TPTE: variants seen among roughly 807,000 people sequenced by gnomAD.
TPTE encodes the protein transmembrane phosphatase with tensin homology.
TPTE carries 59 observed loss-of-function variants against 84.1 expected under a neutral mutation model. The observed-to-expected ratio is 0.70, with a 90% confidence interval of 0.57 to 0.87. The LOEUF (loss-of-function observed/expected upper bound fraction) is 0.87, where lower values mean the gene tolerates loss of function less well. TPTE is among the 40% of genes least tolerant of loss of function. TPTE has a pLI of 0.00. For synonymous variants in TPTE, 130 were observed against 223.5 expected, an observed-to-expected ratio of 0.58 and a Z score of 3.73; for missense variants, 382 against 659.6, an observed-to-expected ratio of 0.58 and a Z score of 4.61.
chr21:10,551,141 A>G (rs1169829113), intron 7 of TPTE, among the ~76,000 whole-genome samples: 1 of 152,308 alleles, frequency 6.6e-6, no homozygotes, highest in Non-Finnish European at 1.5e-5. Context: ...CCGTGTCCCT[A>G]CAAAGGACAT....
intron 1 of TPTE, among the ~76,000 whole-genome samples, chr21:10,522,491 C>T (rs1273757189): frequency 1.6e-4 from 25 of 152,412 alleles, no homozygotes; most frequent in African/African-American, 5.5e-4. Context: ...CCCAGCGATG[C>T]CCCGGGAAGG....
chr21:10,546,987 A>G (rs1041004888), intron 7 of TPTE, among the ~76,000 whole-genome samples: 4 of 152,304 alleles, frequency 2.6e-5, no homozygotes, highest in African/African-American at 9.6e-5. Context: ...TAGACAAGAT[A>G]GCCTTTTATT....
Position 10,578,615 on chromosome 21 carries a change from T to C in TPTE, c.1027+10T>C, listed in dbSNP as rs375484010. On this transcript the variant is annotated intron_variant, in intron 17 of 23. Coordinates refer to ENST00000618007, the MANE Select transcript of TPTE (RefSeq NM_199261.4). ...TGTAAAGGAGGCACAGGTAATAACA[T>C]TTTCCTTTTTATTTCTCCATTTCTA... The C allele has an allele frequency of 1.3e-5, 21 of 1,611,786 alleles. No individual in the cohort carries two copies. The Admixed American group carries it at 2.2e-4, about 17-fold the overall frequency.
At chr21:10,571,832 T>C (rs1447195186) in intron 14 of TPTE, among the ~76,000 whole-genome samples, 1 of 152,214 alleles carries the variant, frequency 6.6e-6, no homozygotes, top group African/African-American at 2.4e-5. Context: ...CACGGCGAAA[T>C]CCTGTCTCTA....
At chr21:10,548,860 C>T (rs1208688714) in intron 7 of TPTE, among the ~76,000 whole-genome samples, 1 of 152,308 alleles carries the variant, frequency 6.6e-6, no homozygotes, top group Non-Finnish European at 1.5e-5. Flanking sequence ...CATCCTGGGC[C>T]TGAGAAACTG....
At chr21:10,568,354 C>A (rs1477875566) in intron 11 of TPTE, among the ~76,000 whole-genome samples, 5 of 152,288 alleles carry the variant, frequency 3.3e-5, no homozygotes, top group Non-Finnish European at 5.9e-5. Flanking sequence ...TAGGAGATGA[C>A]ACGTGGCAAC....
At chr21:10,543,502 T>C in intron 7 of TPTE, 120 bp downstream of exon 7, 2 of 1,569,602 alleles carry the variant, frequency 1.3e-6, no homozygotes, top group Non-Finnish European at 1.7e-6. Context: ...TGTCAACACA[T>C]TTACACAAAC....
intron 1 of TPTE, among the ~76,000 whole-genome samples, 170 bp downstream of exon 1, chr21:10,521,864 G>A (rs1202775542): frequency 6.6e-6 from 1 of 152,260 alleles, no homozygotes; most frequent in Non-Finnish European, 1.5e-5. Context: ...CGCGGAATCC[G>A]GGAGGTGTCC....
intron 3 of TPTE, among the ~76,000 whole-genome samples, chr21:10,536,103 C>A (rs1325006361): frequency 1.3e-5 from 2 of 152,304 alleles, no homozygotes; most frequent in African/African-American, 2.4e-5. Flanking sequence ...CATGGCAAAA[C>A]CCTGTCTCTA....
At chr21:10,595,852 A>G (rs1440315981) in intron 19 of TPTE, 130 bp from the exon 20 acceptor site, 6 of 1,234,732 alleles carry the variant, frequency 4.9e-6, no homozygotes, top group African/African-American at 1.5e-5. Flanking sequence ...ATCTAGTTAT[A>G]TTATGGCATC....
At chr21:10,528,460 T>A (rs1189951321) in intron 3 of TPTE, among the ~76,000 whole-genome samples, 1 of 152,310 alleles carries the variant, frequency 6.6e-6, no homozygotes, top group African/African-American at 2.4e-5. Flanking sequence ...AAGTCATATT[T>A]ACCATATCTT....
chr21:10,542,790 TG>T (rs1483944860), intron 6 of TPTE, among the ~76,000 whole-genome samples: 4 of 152,308 alleles, frequency 2.6e-5, no homozygotes, highest in Non-Finnish European at 5.9e-5. Flanking sequence ...TTGTAGCATT[TG>T]TTAGTAACTT....
chr21:10,570,708 T>A, intron 14 of TPTE, among the ~76,000 whole-genome samples, 159 bp downstream of exon 14: 1 of 152,426 alleles, frequency 6.6e-6, no homozygotes, highest in African/African-American at 2.4e-5. Flanking sequence ...GTTGTGCCAG[T>A]GGTTACAAAC....
intron 21 of TPTE, among the ~76,000 whole-genome samples, chr21:10,598,348 C>T (rs1600984867): frequency 6.6e-6 from 1 of 152,312 alleles, no homozygotes; most frequent in Non-Finnish European, 1.5e-5. Context: ...TTCACACTTC[C>T]ACAAACACTG....
intron 3 of TPTE, among the ~76,000 whole-genome samples, chr21:10,535,849 C>G: frequency 6.6e-6 from 1 of 152,420 alleles, no homozygotes; most frequent in East Asian, 1.9e-4. Context: ...AGGCCTACAG[C>G]TACATGGTCA....
chr21:10,566,258 A>G (rs1373526912), intron 10 of TPTE, among the ~76,000 whole-genome samples: 1 of 152,312 alleles, frequency 6.6e-6, no homozygotes, highest in Non-Finnish European at 1.5e-5. Context: ...GAGATGCTTG[A>G]CATGATTGAT....
chr21:10,553,807 T>G (rs1449787430), intron 8 of TPTE, among the ~76,000 whole-genome samples: 1 of 152,312 alleles, frequency 6.6e-6, no homozygotes, highest in Non-Finnish European at 1.5e-5. Context: ...CCTCTTTAAC[T>G]TTCAGATTAT....
At chr21:10,588,964 C>A (rs1015188759) in intron 17 of TPTE, among the ~76,000 whole-genome samples, 2 of 152,426 alleles carry the variant, frequency 1.3e-5, no homozygotes, top group South Asian at 4.1e-4. Flanking sequence ...AGCTTCCTTG[C>A]AACCCAAGCT....
At chr21:10,523,614 A>C (rs1247237718) in intron 1 of TPTE, among the ~76,000 whole-genome samples, 8 of 152,300 alleles carry the variant, frequency 5.3e-5, no homozygotes, top group Admixed American at 6.5e-5. Context: ...ATGTCCCTAC[A>C]AAGGACATGA....
Sources: gnomAD v4.1 joint callset for allele counts (sites outside exome capture counted in the v4.1 genomes callset) on GRCh38, gnomAD v4.1.1 for gene constraint, MANE v1.5 for transcripts, NCBI Gene and HGNC (gene_info 2026-07-23, HGNC 2026-07-21) for gene names.